Variants in KCNN2 observed in about 807,000 individuals in gnomAD.
KCNN2 encodes small conductance calcium-activated potassium channel protein 2.
A neutral mutation model predicts 55.5 loss-of-function variants in KCNN2; 24 were observed. That is an observed-to-expected ratio of 0.43 (90% CI 0.31 to 0.61). The LOEUF (loss-of-function observed/expected upper bound fraction) is 0.61. KCNN2 is among the 20% of genes least tolerant of loss of function. The probability of loss-of-function intolerance (pLI) is 0.08; values close to 1 mark genes in which losing one functional copy is unlikely to be tolerated. For synonymous variants in KCNN2, 431 were observed against 336.1 expected (o/e 1.28, Z -3.09); for missense variants, 754 against 853.6 (o/e 0.88, Z 1.45).
chr5:114,313,529 A>G (rs1256711092), intron 2 of KCNN2, among the ~76,000 whole-genome samples: 1 of 152,064 alleles, frequency 6.6e-6, no homozygotes, highest in East Asian at 1.9e-4. Flanking sequence ...GTGTGGACAA[A>G]GATGAAGATG....
chr5:114,150,904 C>G (rs1752507700), intron 1 of KCNN2, among the ~76,000 whole-genome samples: 1 of 151,952 alleles, frequency 6.6e-6, no homozygotes, highest in South Asian at 2.1e-4. Flanking sequence ...GCCTGTAATC[C>G]CAGCTACTCA....
intron 1 of KCNN2, among the ~76,000 whole-genome samples, chr5:114,134,503 ATTTATTTT>A (rs1752133467): frequency 3.3e-5 from 4 of 119,540 alleles, no homozygotes; most frequent in South Asian, 2.9e-4. Flanking sequence ...TTATTTATTT[ATTTATTTT>A]GTCTCCTAGG....
intron 2 of KCNN2, among the ~76,000 whole-genome samples, chr5:114,250,696 CTG>C (rs1754840382): frequency 6.6e-6 from 1 of 152,152 alleles, no homozygotes; most frequent in South Asian, 2.1e-4. Context: ...AGGCAAGAGT[CTG>C]TGAAATGCAC....
At chr5:114,059,230 T>G (rs1750274333) in intron 1 of KCNN2, among the ~76,000 whole-genome samples, 1 of 152,176 alleles carries the variant, frequency 6.6e-6, no homozygotes, top group Non-Finnish European at 1.5e-5. Context: ...TTTATTTAAC[T>G]GCAAGGATAG....
At chr5:114,057,627 A>G (rs1750239710) in intron 1 of KCNN2, among the ~76,000 whole-genome samples, 1 of 152,160 alleles carries the variant, frequency 6.6e-6, no homozygotes, top group African/African-American at 2.4e-5. Flanking sequence ...AACAAACTAT[A>G]TAATTTCAGG....
chr5:114,215,246 A>G (rs1239311873), intron 1 of KCNN2, among the ~76,000 whole-genome samples: 1 of 152,166 alleles, frequency 6.6e-6, no homozygotes, highest in Non-Finnish European at 1.5e-5. Context: ...TGTAACCAGG[A>G]TCCAAAGCTC....
intron 3 of KCNN2, among the ~76,000 whole-genome samples, chr5:114,451,912 A>AAG (rs1561392526): frequency 6.6e-6 from 1 of 151,128 alleles, no homozygotes; most frequent in Non-Finnish European, 1.5e-5. Context: ...AAAAAAAAAA[A>AAG]GAATCAAATG....
At chr5:114,385,015 T>C (rs1758233217) in intron 2 of KCNN2, among the ~76,000 whole-genome samples, 1 of 152,218 alleles carries the variant, frequency 6.6e-6, no homozygotes, top group African/African-American at 2.4e-5. Context: ...AGAAAGTTTA[T>C]TTTAATAAAT....
Position 114,321,981 on chromosome 5 carries a change from T to C in KCNN2, c.-184-38964T>C, listed in dbSNP as rs80127432. On this transcript the variant is annotated intron_variant, in intron 2 of 10. Transcript: ENST00000512097. ...GGATATTTCACAGAAGCTGTGAAGA[T>C]GTATTTAGCTTCTGTCTTCAGAATG... is the stretch of plus-strand genomic sequence containing the variant. Among the ~76,000 whole-genome samples, 788 of 152,330 alleles carry C rather than the reference T, an allele frequency of 5.2e-3. 8 individuals are homozygous for C. Among genetic ancestry groups the C allele is most frequent in the African/African-American group, 0.018 (750 of 41,558 alleles).
intron 2 of KCNN2, among the ~76,000 whole-genome samples, chr5:114,348,714 G>A (rs1368787704): frequency 6.6e-6 from 1 of 152,088 alleles, no homozygotes; most frequent in Non-Finnish European, 1.5e-5. Flanking sequence ...AAAAAATCTT[G>A]AATCCTCAAT....
chr5:114,274,054 A>C (rs548663897), intron 2 of KCNN2, among the ~76,000 whole-genome samples: 1 of 152,232 alleles, frequency 6.6e-6, no homozygotes, highest in Non-Finnish European at 1.5e-5. Context: ...AGTTTTCTGC[A>C]TATGGCTAGC....
At chr5:114,428,524 AG>A (rs1236396611) in intron 3 of KCNN2, among the ~76,000 whole-genome samples, 1 of 152,178 alleles carries the variant, frequency 6.6e-6, no homozygotes, top group Non-Finnish European at 1.5e-5. Context: ...TTATTATAAA[AG>A]CATTTTGAAA....
At chr5:114,179,467 G>T (rs1446749815) in intron 1 of KCNN2, among the ~76,000 whole-genome samples, 1 of 152,160 alleles carries the variant, frequency 6.6e-6, no homozygotes, top group Non-Finnish European at 1.5e-5. Flanking sequence ...TCAATCAAAG[G>T]TTATTATCTC....
intron 2 of KCNN2, among the ~76,000 whole-genome samples, chr5:114,304,307 A>C (rs1232412257): frequency 6.6e-6 from 1 of 152,162 alleles, no homozygotes; most frequent in Non-Finnish European, 1.5e-5. Context: ...GAGTTGGTGC[A>C]AAAAAGGTAG....
intron 1 of KCNN2, among the ~76,000 whole-genome samples, chr5:114,129,231 C>T (rs1751999854): frequency 6.6e-6 from 1 of 152,178 alleles, no homozygotes; most frequent in African/African-American, 2.4e-5. Context: ...TGTAGCTTTC[C>T]ATTAGCCAAA....
chr5:114,412,126 A>T (rs1021443306), intron 3 of KCNN2, among the ~76,000 whole-genome samples: 2 of 152,178 alleles, frequency 1.3e-5, no homozygotes, highest in African/African-American at 4.8e-5. Context: ...TATAGAGGAT[A>T]TGAGATTTGG....
intron 6 of KCNN2, 60 bp downstream of exon 6, chr5:114,487,237 T>G: frequency 7.0e-7 from 1 of 1,427,358 alleles, no homozygotes. Flanking sequence ...ATTTTTGCAC[T>G]TGTTTATTCT....
chr5:114,194,940 A>G (rs1753521796), intron 1 of KCNN2, among the ~76,000 whole-genome samples: 1 of 150,658 alleles, frequency 6.6e-6, no homozygotes, highest in South Asian at 2.1e-4. Flanking sequence ...CCATCTGTTG[A>G]GAAGACTATT....
intron 1 of KCNN2, among the ~76,000 whole-genome samples, chr5:114,074,329 T>TGTGTGTGTGTGTGC (rs1200712655): frequency 4.8e-4 from 67 of 138,738 alleles, no homozygotes; most frequent in African/African-American, 1.8e-3. Context: ...TGTGTGTGTG[T>TGTGTGTGTGTGTGC]GCGCGCGCGC....
Sources: allele counts gnomAD v4.1 joint callset (sites outside exome capture counted in the v4.1 genomes callset), GRCh38; gene constraint gnomAD v4.1.1; transcripts MANE v1.5; gene names NCBI Gene and HGNC (gene_info 2026-07-23, HGNC 2026-07-21).